Variants in OGG1 observed in about 807,000 individuals in gnomAD.
OGG1 encodes the protein N-glycosylase/DNA lyase.
Under a neutral mutation model 42.3 loss-of-function variants are expected in OGG1, and 35 were observed. That is an observed-to-expected ratio of 0.83 (90% CI 0.63 to 1.10). OGG1 has a LOEUF of 1.10. OGG1 is among the 50% of genes least tolerant of loss of function. OGG1 has a pLI of 0.00. For synonymous variants in OGG1, 189 were observed against 179.0 expected (o/e 1.06, Z -0.44); for missense variants, 484 against 446.7 (o/e 1.08, Z -0.75).
chr3:9,756,054 C>T (rs974664811), intron 4 of OGG1, among the ~76,000 whole-genome samples: 7 of 152,106 alleles, frequency 4.6e-5, no homozygotes, highest in Admixed American at 1.3e-4. Flanking sequence ...TGGTGGCTCA[C>T]GCCTGTAATC....
At chr3:9,759,131 G>A (rs986137679), downstream of OGG1, 36 of 1,414,962 alleles carry the variant, frequency 2.5e-5, no homozygotes, top group Admixed American at 3.3e-5. Context: ...TGCACTTCCC[G>A]GAATGGCTAT....
rs1805373 is a variant in OGG1, at chr3:9,754,824, G to A, written c.686G>A (p.Arg229Gln). The change falls in exon 4 of 7, where the codon CGA becomes CAA. Residue 229 changes from arginine (R) to glutamine (Q), a missense_variant. Arg to Gln is a conservative substitution (Grantham distance 43). Coordinates refer to ENST00000344629, the MANE Select transcript of OGG1 (RefSeq NM_002542.6). ...GGGCTAGCCTGGCTGCAGCAGCTAC[G>A]AGAGTCCTCATATGAGGAGGCCCAC... ...QGGLAWLQQLRESSYEEAHKA... is the reference protein window; with the variant it reads ...QGGLAWLQQLQESSYEEAHKA... 4.6e-3 allele frequency: 7,474 copies of A among 1,611,808 alleles called. 269 individuals are homozygous for A. In the African/African-American group the frequency reaches 0.084, roughly 18 times the overall value.
chr3:9,758,333 C>G (rs2077683787), downstream of OGG1: 1 of 155,400 alleles, frequency 6.4e-6, no homozygotes, highest in Non-Finnish European at 1.4e-5. Context: ...AAACCATCCC[C>G]CCAAAACATG....
At chr3:9,785,650 G>T (rs2078590030) in intron 3 of OGG1, among the ~76,000 whole-genome samples, 1 of 152,236 alleles carries the variant, frequency 6.6e-6, no homozygotes, top group African/African-American at 2.4e-5. Flanking sequence ...GAAGAGAAAT[G>T]ATTAACACTC....
chr3:9,771,035 CT>C (rs562033005), downstream of OGG1, among the ~76,000 whole-genome samples: 8 of 143,170 alleles, frequency 5.6e-5, no homozygotes, highest in Admixed American at 1.4e-4. Context: ...TTTTCTTTTT[CT>C]TTTTTTTTTA....
intron 7 of OGG1, among the ~76,000 whole-genome samples, chr3:9,764,347 G>A (rs1293465441): frequency 6.6e-6 from 1 of 152,026 alleles, no homozygotes; most frequent in Non-Finnish European, 1.5e-5. Context: ...TCAGGCTGGA[G>A]TGTTGCCCAG....
chr3:9,780,071 T>G, intron 2 of OGG1: 1 of 326,642 alleles, frequency 3.1e-6, no homozygotes. Flanking sequence ...GATTAGGGAG[T>G]GGGGGATGGT....
At chr3:9,751,721 A>T in intron 2 of OGG1, 49 bp from the exon 3 acceptor site, 1 of 1,574,758 alleles carries the variant, frequency 6.4e-7, no homozygotes, top group Non-Finnish European at 8.7e-7. Flanking sequence ...GGAAGAGGCC[A>T]CACCCAACAG....
At chr3:9,752,529 CAA>C (rs144337359) in intron 3 of OGG1, among the ~76,000 whole-genome samples, 10 of 75,010 alleles carry the variant, frequency 1.3e-4, no homozygotes, top group South Asian at 5.1e-4. Context: ...GACTCTGTCT[CAA>C]AAAAAAAAAA....
chr3:9,766,995 C>A (rs945930173), downstream of OGG1, among the ~76,000 whole-genome samples: 32 of 152,094 alleles, frequency 2.1e-4, no homozygotes, highest in African/African-American at 7.7e-4. Context: ...TTTCCACTCT[C>A]CCCCCAGCCT....
downstream of OGG1, among the ~76,000 whole-genome samples, chr3:9,788,851 T>G (rs1449390996): frequency 6.6e-6 from 1 of 151,410 alleles, no homozygotes; most frequent in Non-Finnish European, 1.5e-5. Context: ...TTTTTTTTTT[T>G]TGGAGACGGA....
chr3:9,753,502 A>G (rs2077401414), intron 3 of OGG1, among the ~76,000 whole-genome samples: 1 of 151,818 alleles, frequency 6.6e-6, no homozygotes, highest in African/African-American at 2.4e-5. Flanking sequence ...AATACAAAAA[A>G]AATTAGCCGG....
chr3:9,759,495 T>G (rs2077744023), downstream of OGG1: 1 of 1,614,094 alleles, frequency 6.2e-7, no homozygotes, highest in African/African-American at 1.3e-5. Context: ...CACCTTCCAC[T>G]TGCTCTTGGC....
In OGG1 at chr3:9,787,280, G is replaced by A. The variant is rs760534647; in HGVS notation, c.383-448G>A. On this transcript the variant is annotated intron_variant, in intron 3 of 3. Transcript: ENST00000426518. Reference sequence around the variant, plus strand: ...GCCGCTGCCCGGGCCCCATCCTTCTGCTCCTCCAGCAGGTCCTCCTGGGCC... The same window carrying A: ...GCCGCTGCCCGGGCCCCATCCTTCTACTCCTCCAGCAGGTCCTCCTGGGCC... 3.1e-6 allele frequency: 5 copies of A among 1,614,074 alleles called. No homozygotes were observed. The African/African-American group carries it at 5.3e-5, about 17-fold the overall frequency.
downstream of OGG1, among the ~76,000 whole-genome samples, chr3:9,790,267 A>T (rs929511240): frequency 1.3e-5 from 2 of 152,198 alleles, no homozygotes; most frequent in African/African-American, 4.8e-5. Flanking sequence ...GCAAACCTTC[A>T]CTTCGATGTC....
In OGG1 at chr3:9,756,568, A is replaced by C; in HGVS notation, c.845A>C (p.His282Pro). Residue 282 changes from histidine (H) to proline (P), a missense_variant, in exon 5 of 7, where the codon CAC becomes CCC. By Grantham distance (77) the His-to-Pro change is moderately conservative. Transcript: ENST00000344629. ...ATTGCCCAACGTGACTACAGCTGGCACCCTACCACGTCCCAGGCGAAGGGA... is the reference window on the plus strand; with the variant it reads ...ATTGCCCAACGTGACTACAGCTGGCCCCCTACCACGTCCCAGGCGAAGGGA... ...WHIAQRDYSW[H>P]PTTSQAKGPS... is the part of the protein sequence containing the mutation. 1 of 1,614,116 alleles carries C rather than the reference A, an allele frequency of 6.2e-7. No individual in the cohort carries two copies. Among genetic ancestry groups the C allele is most frequent in the East Asian group, 2.2e-5 (1 of 44,872 alleles).
intron 2 of OGG1, among the ~76,000 whole-genome samples, chr3:9,774,931 A>AG (rs1203610322): frequency 3.9e-5 from 6 of 152,078 alleles, no homozygotes; most frequent in African/African-American, 1.4e-4. Context: ...AATTAGGACA[A>AG]GGCTATATGC....
downstream of OGG1, among the ~76,000 whole-genome samples, chr3:9,768,239 G>A (rs367979776): frequency 9.9e-4 from 151 of 152,262 alleles, 2 homozygotes; most frequent in South Asian, 0.029. Context: ...CGGCCTCTCC[G>A]AAATCAGGTT....
At chr3:9,761,963 G>T, downstream of OGG1, 1 of 636,038 alleles carries the variant, frequency 1.6e-6, no homozygotes, top group Non-Finnish European at 2.6e-6. Flanking sequence ...GGGGGGAACT[G>T]TCTCTAAACC....
Sources: allele counts gnomAD v4.1 joint callset (sites outside exome capture counted in the v4.1 genomes callset), GRCh38; gene constraint gnomAD v4.1.1; transcripts MANE v1.5; gene names NCBI Gene and HGNC (gene_info 2026-07-23, HGNC 2026-07-21).